The following BCLAF3 variants were observed in gnomAD, a reference collection of about 807,000 sequenced individuals.
BCLAF3 encodes the protein transient octamer binding factor 1.
BCLAF3 carries 24 observed loss-of-function variants against 51.2 expected under a neutral mutation model. That is an observed-to-expected ratio of 0.47 (90% CI 0.34 to 0.66). The LOEUF (loss-of-function observed/expected upper bound fraction) is 0.66, where lower values mean the gene tolerates loss of function less well. Among genes scored for constraint, BCLAF3 ranks in the 30% least tolerant of loss-of-function variants. BCLAF3 has a pLI of 0.01. For synonymous variants in BCLAF3, 152 were observed against 176.6 expected (o/e 0.86, Z 1.10); for missense variants, 465 against 525.1 (o/e 0.89, Z 1.12).
Position 19,917,182 on chromosome X carries a change from A to T in BCLAF3, c.*123T>A. 1.6e-6 allele frequency: 1 copy of T among 634,479 alleles called. No individual in the cohort carries two copies. The highest frequency in any genetic ancestry group is 2.7e-5 in the South Asian group (1 of 36,574). The allele number at this position is 634,479 out of a possible 1,213,427, so 52.3% of individuals were successfully genotyped here. On this transcript the variant is annotated 3_prime_UTR_variant, in exon 12 of 12. Coordinates refer to ENST00000379682, the MANE Select transcript of BCLAF3 (RefSeq NM_001367774.2). ...TTGCAGCATTCCACTACTAAAAAAT[A>T]AAGTTATTTTATCAAGAAGTTACAG...
intron 1 of BCLAF3, among the ~76,000 whole-genome samples, chrX:19,971,766 G>A (rs2072267061): frequency 9.0e-6 from 1 of 111,657 alleles, no homozygotes; most frequent in Non-Finnish European, 1.9e-5. Flanking sequence ...TATAGCTACC[G>A]TGCACAGACC....
rs1050702277 is a variant in BCLAF3 at position 19,922,585 on chromosome X, A to G, written c.2107-5251T>C. Among the ~76,000 whole-genome samples the G allele has an allele frequency of 2.7e-5, 3 of 111,388 alleles. No homozygotes were observed. The Admixed American group carries it at 2.9e-4, about 11-fold the overall frequency. ...CACCAAATAGATTTGGTGATCAACA[A>G]AATACTTTTAAAGATAAAATTCTAT... On this transcript the variant is annotated intron_variant, in intron 11 of 11. Transcript: ENST00000379682.
intron 11 of BCLAF3, among the ~76,000 whole-genome samples, chrX:19,919,856 CA>C (rs763184612): frequency 0.012 from 415 of 33,633 alleles, no homozygotes; most frequent in African/African-American, 0.032. Flanking sequence ...GACTTCGTCT[CA>C]AAAAAAAAAA....
chrX:19,917,864 T>C (rs1785184460), intron 11 of BCLAF3, among the ~76,000 whole-genome samples: 1 of 111,658 alleles, frequency 9.0e-6, no homozygotes, highest in Non-Finnish European at 1.9e-5. Flanking sequence ...CTTCAATAAA[T>C]ACAGGAAGAA....
At chrX:19,923,134 C>G (rs1023951872) in intron 11 of BCLAF3, 1 of 111,567 alleles carries the variant, frequency 9.0e-6, no homozygotes, top group African/African-American at 3.3e-5. Flanking sequence ...CAATAATTTA[C>G]GATAAAAATA....
At chrX:19,984,304 A>G (rs1321161537) in intron 1 of BCLAF3, among the ~76,000 whole-genome samples, 1 of 110,897 alleles carries the variant, frequency 9.0e-6, no homozygotes, top group South Asian at 3.8e-4. Context: ...CACTGGAAAC[A>G]CACTAATAAT....
chrX:19,928,385 C>A lies in BCLAF3; in HGVS notation c.2106+1400G>T, dbSNP rs755626562. On this transcript the variant is annotated intron_variant, in intron 11 of 11. Transcript: ENST00000379682. Reference sequence around the variant, plus strand: ...ATCATCTGAGGTCAGGAGCTCGAGACCAGCCTGGCCTACATGGACAAACCC... The same window carrying A: ...ATCATCTGAGGTCAGGAGCTCGAGAACAGCCTGGCCTACATGGACAAACCC... Among the ~76,000 whole-genome samples, 586 of 108,851 alleles carry A rather than the reference C, an allele frequency of 5.4e-3. 3 individuals carry two copies. The highest frequency in any genetic ancestry group is 0.019 in the African/African-American group (556 of 29,949). The allele number at this position is 108,851 out of a possible 115,157, so 94.5% of individuals were successfully genotyped here.
chrX:19,952,708 G>A (rs2071530824), intron 7 of BCLAF3, among the ~76,000 whole-genome samples: 1 of 111,710 alleles, frequency 9.0e-6, no homozygotes, highest in African/African-American at 3.3e-5. Context: ...TGCGGATTTT[G>A]GGGATGAATA....
At position 19,966,074 on chromosome X, in the gene BCLAF3, C is replaced by T; in HGVS notation, c.611+6G>A. The T allele has an allele frequency of 1.7e-6, 2 of 1,197,893 alleles. No homozygotes were observed. The highest frequency in any genetic ancestry group is 2.3e-6 in the Non-Finnish European group (2 of 888,080). On this transcript the variant is annotated splice_donor_region_variant and intron_variant, in intron 3 of 11. Coordinates refer to ENST00000379682, the MANE Select transcript of BCLAF3 (RefSeq NM_001367774.2). ...CAAATTACCCAGGTTTAATGTTTTCCTATACCTCTTCTGAAATGAGCTCCT... is the reference window on the plus strand; with the variant it reads ...CAAATTACCCAGGTTTAATGTTTTCTTATACCTCTTCTGAAATGAGCTCCT...
chrX:19,937,572 A>AT, intron 8 of BCLAF3, 40 bp from the exon 9 acceptor site: 1 of 717,087 alleles, frequency 1.4e-6, no homozygotes. Flanking sequence ...TTTTATTAGT[A>AT]TACCTTTTTT....
chrX:19,975,740 C>T (rs1224559977), intron 1 of BCLAF3, among the ~76,000 whole-genome samples: 1 of 112,013 alleles, frequency 8.9e-6, no homozygotes, highest in African/African-American at 3.2e-5. Context: ...CCTCCTGCCT[C>T]GGCCTTTCAA....
At position 19,985,661 on chromosome X, in the gene BCLAF3, G is replaced by A. The variant is rs765766406; in HGVS notation, c.-35+5247C>T. Reference sequence around the variant, plus strand: ...GAAGTAAATAATAAAGATTAAAGTAGGCCAGGCACAGTGGCTCATGCCTGT... The same window carrying A: ...GAAGTAAATAATAAAGATTAAAGTAAGCCAGGCACAGTGGCTCATGCCTGT... On this transcript the variant is annotated intron_variant, in intron 1 of 11. Transcript: ENST00000379682. 1.2e-3 allele frequency among the ~76,000 whole-genome samples: 136 copies of A among 112,182 alleles called. 2 individuals carry two copies. Among genetic ancestry groups the A allele is most frequent in the African/African-American group, 4.3e-3 (132 of 30,973 alleles).
At chrX:19,918,534 CTTTTTTTTTTT>C (rs749600263) in intron 11 of BCLAF3, among the ~76,000 whole-genome samples, 3 of 55,180 alleles carry the variant, frequency 5.4e-5, no homozygotes, top group South Asian at 7.5e-4. Flanking sequence ...CCAACCCGGC[CTTTTTTTTTTT>C]TTTTTTTTTT....
intron 4 of BCLAF3, among the ~76,000 whole-genome samples, chrX:19,962,676 A>T (rs918947814): frequency 1.8e-5 from 2 of 112,642 alleles, no homozygotes; most frequent in Non-Finnish European, 3.7e-5. Context: ...ATGTGTAATT[A>T]TGAAAGTAAA....
chrX:19,990,922 CCCGCCGCCGCCGCCGCCGCCGCCGCCG>C lies in BCLAF3; in HGVS notation c.-76_-50del, dbSNP rs748679368. 7.6e-4 allele frequency among the ~76,000 whole-genome samples: 64 copies of C among 84,582 alleles called. No homozygotes were observed. The highest frequency in any genetic ancestry group is 5.0e-3 in the East Asian group (13 of 2,583). 73.4% of individuals were successfully genotyped at this position (84,582 alleles called of 115,157 possible). ...GAGCCGCTCACCCGGCCGGGAAGCC[CCCGCCGCCGCCGCCGCCGCCGCCGCCG>C]CCGCCGCCGCCGCCGCCGCCGCCGG... On this transcript the variant is annotated 5_prime_UTR_variant, in exon 1 of 12. Coordinates refer to ENST00000379682, the MANE Select transcript of BCLAF3 (RefSeq NM_001367774.2).
intron 11 of BCLAF3, among the ~76,000 whole-genome samples, chrX:19,926,393 TATG>T (rs1282519316): frequency 9.0e-6 from 1 of 111,499 alleles, no homozygotes; most frequent in Non-Finnish European, 1.9e-5. Context: ...TCTTATGTCC[TATG>T]ATGAAGGCCT....
intron 11 of BCLAF3, among the ~76,000 whole-genome samples, chrX:19,920,649 G>A (rs113770922): frequency 1.0e-4 from 11 of 109,897 alleles, no homozygotes; most frequent in East Asian, 2.9e-4. Context: ...GCGAGACCCC[G>A]TACCTACAAG....
chrX:19,920,456 G>T (rs1294483227), intron 11 of BCLAF3, among the ~76,000 whole-genome samples: 1 of 111,276 alleles, frequency 9.0e-6, no homozygotes, highest in African/African-American at 3.3e-5. Flanking sequence ...GTGTGTGCAT[G>T]AATAAATTCA....
At chrX:19,961,213 CT>C (rs1417414515) in intron 4 of BCLAF3, among the ~76,000 whole-genome samples, 2 of 112,519 alleles carry the variant, frequency 1.8e-5, no homozygotes, top group Admixed American at 1.9e-4. Flanking sequence ...AATTTTCATA[CT>C]GTGATTCCCT....
Sources: gnomAD v4.1 joint callset for allele counts (sites outside exome capture counted in the v4.1 genomes callset) on GRCh38, gnomAD v4.1.1 for gene constraint, MANE v1.5 for transcripts, NCBI Gene and HGNC (gene_info 2026-07-23, HGNC 2026-07-21) for gene names.